Variants in VAV3 observed in about 807,000 individuals in gnomAD.
VAV3 encodes vav guanine nucleotide exchange factor 3, also known as guanine nucleotide exchange factor VAV3.
VAV3 carries 94 observed loss-of-function variants against 131.2 expected under a neutral mutation model. That is an observed-to-expected ratio of 0.72 (90% CI 0.61 to 0.85). The LOEUF (loss-of-function observed/expected upper bound fraction) is 0.85, where lower values mean the gene tolerates loss of function less well. Among genes scored for constraint, VAV3 ranks in the 40% least tolerant of loss-of-function variants. VAV3 has a pLI of 0.00. For synonymous variants in VAV3, 349 were observed against 342.0 expected, an observed-to-expected ratio of 1.02 and a Z score of -0.22; for missense variants, 939 against 1,002.7, an observed-to-expected ratio of 0.94 and a Z score of 0.86.
At chr1:107,600,154 T>C (rs1294180850) in intron 24 of VAV3, among the ~76,000 whole-genome samples, 1 of 152,130 alleles carries the variant, frequency 6.6e-6, no homozygotes, top group Admixed American at 6.5e-5. Flanking sequence ...TTTAGAATGG[T>C]TAAGTCCTTT....
At chr1:107,735,603 C>T (rs1662568239) in intron 15 of VAV3, among the ~76,000 whole-genome samples, 1 of 148,340 alleles carries the variant, frequency 6.7e-6, no homozygotes, top group African/African-American at 2.5e-5. Flanking sequence ...ACTAGAAAAT[C>T]TAGAAGAAAT....
chr1:107,769,021 G>T (rs542615139), intron 6 of VAV3, among the ~76,000 whole-genome samples: 27 of 152,180 alleles, frequency 1.8e-4, no homozygotes, highest in Admixed American at 3.3e-4. Context: ...TCAGTTCCTT[G>T]ACCACAAATA....
intron 22 of VAV3, among the ~76,000 whole-genome samples, chr1:107,606,801 T>G (rs1652301539): frequency 7.1e-6 from 1 of 140,316 alleles, no homozygotes; most frequent in Non-Finnish European, 1.5e-5. Context: ...CAATGGTTTC[T>G]TCTTTTTTTT....
At chr1:107,895,303 T>G (rs966295725) in intron 1 of VAV3, among the ~76,000 whole-genome samples, 1 of 152,190 alleles carries the variant, frequency 6.6e-6, no homozygotes, top group Non-Finnish European at 1.5e-5. Flanking sequence ...ATGGCTAACA[T>G]TTGTATTCCA....
chr1:107,896,218 T>C (rs1442381790), intron 1 of VAV3, among the ~76,000 whole-genome samples: 2 of 152,200 alleles, frequency 1.3e-5, no homozygotes, highest in East Asian at 1.9e-4. Flanking sequence ...ACTGGACATA[T>C]ATCAAATGTT....
chr1:107,571,972 GCTT>G lies in VAV3; in HGVS notation c.*1356_*1358del, dbSNP rs1649291879. The G allele has an allele frequency of 6.6e-6, 1 of 152,436 alleles. No homozygotes were observed. 9.4% of individuals were successfully genotyped at this position (152,436 alleles called of 1,614,324 possible). A position where few individuals can be genotyped will look rare whatever the true frequency, so the allele number is the denominator to read the frequency against. On this transcript the variant is annotated 3_prime_UTR_variant, in exon 27 of 27. Transcript: ENST00000370056. ...CCTGGTTCAGTTCTACTAAGTTAATGCTTCTTTTTTTTCCCAACATGTAACTCT... is the reference window on the plus strand; with the variant it reads ...CCTGGTTCAGTTCTACTAAGTTAATGCTTTTTTTTCCCAACATGTAACTCT...
intron 19 of VAV3, chr1:107,668,829 T>C (rs1441686323): frequency 9.1e-6 from 9 of 985,534 alleles, no homozygotes; most frequent in Non-Finnish European, 9.6e-6. Flanking sequence ...ACAGTTTTGA[T>C]TGTCACATGT....
intron 4 of VAV3, among the ~76,000 whole-genome samples, chr1:107,775,349 G>A (rs149305942): frequency 6.6e-6 from 1 of 152,162 alleles, no homozygotes; most frequent in African/African-American, 2.4e-5. Context: ...GGGACACCAA[G>A]GCAGGTGGAT....
chr1:107,855,050 GCA>G (rs1669406354), intron 2 of VAV3, among the ~76,000 whole-genome samples: 1 of 152,112 alleles, frequency 6.6e-6, no homozygotes, highest in Non-Finnish European at 1.5e-5. Flanking sequence ...ATGGAAGATA[GCA>G]CATCGAATGT....
At position 107,964,983 on chromosome 1, in the gene VAV3, C is replaced by T; in HGVS notation, c.-114G>A. 1.1e-6 allele frequency: 1 copy of T among 936,734 alleles called. No homozygotes were observed. Among genetic ancestry groups the T allele is most frequent in the Non-Finnish European group, 1.3e-6 (1 of 741,672 alleles). The allele number at this position is 936,734 out of a possible 1,614,324, so 58.0% of individuals were successfully genotyped here. The stretch of plus-strand genomic sequence containing the variant: ...CGACGCCAACAGCCGCCGGCCCTTT[C>T]CCCGCGCGGGATCGAGGGAGCAGGA... On this transcript the variant is annotated 5_prime_UTR_variant, in exon 1 of 27. Transcript: ENST00000370056.
At chr1:107,895,237 T>C (rs1671511446) in intron 1 of VAV3, among the ~76,000 whole-genome samples, 1 of 152,166 alleles carries the variant, frequency 6.6e-6, no homozygotes, top group Non-Finnish European at 1.5e-5. Flanking sequence ...CTCTCACCCA[T>C]GGGACGTGAG....
In VAV3 at chr1:107,859,073, G is replaced by GTT. The variant is rs576650255; in HGVS notation, c.321+15826_321+15827dup. 1.0e-3 allele frequency among the ~76,000 whole-genome samples: 144 copies of GTT among 138,578 alleles called. 1 individual carries two copies. Among genetic ancestry groups the GTT allele is most frequent in the Non-Finnish European group, 1.3e-3 (83 of 64,318 alleles). The allele number at this position is 138,578 out of a possible 152,430, so 90.9% of individuals were successfully genotyped here. Reference sequence around the variant, plus strand: ...CAAAACTCTGAAAGATTCTTGAGGAGTTTTTTTTTTTTTTTCATTTTTTGG... The same window carrying GTT: ...CAAAACTCTGAAAGATTCTTGAGGAGTTTTTTTTTTTTTTTTTCATTTTTTGG... On this transcript the variant is annotated intron_variant, in intron 2 of 26. Transcript: ENST00000370056.
At chr1:107,687,615 A>T (rs1326425836) in intron 18 of VAV3, among the ~76,000 whole-genome samples, 1 of 152,144 alleles carries the variant, frequency 6.6e-6, no homozygotes, top group Non-Finnish European at 1.5e-5. Flanking sequence ...GGTCAAGGCA[A>T]TGATTGTCTG....
chr1:107,734,392 C>T (rs1662457194), intron 15 of VAV3, among the ~76,000 whole-genome samples: 1 of 152,128 alleles, frequency 6.6e-6, no homozygotes, highest in Non-Finnish European at 1.5e-5. Flanking sequence ...CCTAATCCCC[C>T]AATTAAAAGA....
intron 2 of VAV3, among the ~76,000 whole-genome samples, chr1:107,871,759 G>A (rs373727107): frequency 1.3e-4 from 20 of 152,226 alleles, no homozygotes; most frequent in African/African-American, 4.6e-4. Flanking sequence ...TCAAGCCTAA[G>A]ATTCAAAATA....
chr1:107,792,070 T>C (rs1039823742), intron 2 of VAV3, among the ~76,000 whole-genome samples: 1 of 152,188 alleles, frequency 6.6e-6, no homozygotes, highest in Non-Finnish European at 1.5e-5. Context: ...TCCTTGGATA[T>C]CTTGAATTCC....
At chr1:107,890,111 A>G (rs1671243221) in intron 1 of VAV3, among the ~76,000 whole-genome samples, 1 of 152,188 alleles carries the variant, frequency 6.6e-6, no homozygotes. Context: ...CTTTCTTAGT[A>G]TCAATGCTTA....
chr1:107,812,906 G>C lies in VAV3; in HGVS notation c.322-33414C>G, dbSNP rs143507466. The stretch of plus-strand genomic sequence containing the variant: ...TGGGAGGCCAAGGCAGGCGGATCAC[G>C]AGATCAGGAGATTGAGATCACCCTG... On this transcript the variant is annotated intron_variant, in intron 2 of 26. Transcript: ENST00000370056. Among the ~76,000 whole-genome samples the C allele has an allele frequency of 4.6e-5, 7 of 152,186 alleles. No individual in the cohort carries two copies. In the East Asian group the frequency reaches 1.4e-3, roughly 29 times the overall value.
intron 4 of VAV3, 98 bp downstream of exon 4, chr1:107,777,133 T>A (rs1320781386): frequency 9.2e-7 from 1 of 1,091,220 alleles, no homozygotes; most frequent in African/African-American, 1.6e-5. Context: ...AAGCCACTTT[T>A]CCTCCTTCAG....
Sources: gnomAD v4.1 joint callset for allele counts (sites outside exome capture counted in the v4.1 genomes callset) on GRCh38, gnomAD v4.1.1 for gene constraint, MANE v1.5 for transcripts, NCBI Gene and HGNC (gene_info 2026-07-23, HGNC 2026-07-21) for gene names.